The following ZFP64 variants were observed in gnomAD, a reference collection of about 807,000 sequenced individuals.
ZFP64 encodes the protein zinc finger protein 64.
A neutral mutation model predicts 51.6 loss-of-function variants in ZFP64; 14 were observed. That is an observed-to-expected ratio of 0.27 (90% CI 0.18 to 0.42). The LOEUF (loss-of-function observed/expected upper bound fraction) is 0.42. Ranked by LOEUF, ZFP64 falls within the 10% of genes least tolerant of loss-of-function variation. The pLI is 1.00. For missense variants in ZFP64, 754 were observed against 906.8 expected, an observed-to-expected ratio of 0.83 and a Z score of 2.16; for synonymous variants, 375 against 361.4, an observed-to-expected ratio of 1.04 and a Z score of -0.43.
At chr20:52,097,571 C>T (rs1257313996) in intron 6 of ZFP64, 2 of 754,804 alleles carry the variant, frequency 2.6e-6, no homozygotes, top group Non-Finnish European at 4.2e-6. Context: ...TACCCTGTTT[C>T]AGCCTCCTGA....
chr20:52,099,076 C>A (rs1300780926), intron 5 of ZFP64, among the ~76,000 whole-genome samples: 1 of 151,120 alleles, frequency 6.6e-6, no homozygotes, highest in Non-Finnish European at 1.5e-5. Flanking sequence ...ACTACGGTTT[C>A]CAAGAAGTAC....
At chr20:52,127,452 T>G (rs1437004191) in intron 5 of ZFP64, among the ~76,000 whole-genome samples, 1 of 152,170 alleles carries the variant, frequency 6.6e-6, no homozygotes, top group Non-Finnish European at 1.5e-5. Flanking sequence ...GCTGTTCTCA[T>G]GATAGTGAGT....
rs758339619 is a variant in ZFP64, at chr20:52,186,921, G to A, written c.197C>T (p.Thr66Met). ...TGTTTCCTCCGATACAAACTGGACC[G>A]TGCTGGGGGCTGCTGCGGATGTGCC... ...LTGTSAAAPS[T>M]VQFVSEETVP... Residue 66 changes from threonine to methionine, a missense_variant, in exon 2 of 6, where the codon ACG becomes ATG. Physicochemically the swap from Thr to Met is moderately conservative, Grantham distance 81 (BLOSUM62 -1). This residue lies in a region of ZFP64 where 95 missense variants were observed against 97.7 expected (regional missense o/e 0.97). Coordinates refer to ENST00000216923, the MANE Select transcript of ZFP64 (RefSeq NM_018197.3). 7.8e-5 allele frequency: 126 copies of A among 1,614,108 alleles called. No individual in the cohort carries two copies. The highest frequency in any genetic ancestry group is 1.8e-4 in the Admixed American group (11 of 60,022).
At chr20:52,127,067 T>A (rs980422747) in intron 5 of ZFP64, among the ~76,000 whole-genome samples, 1 of 152,052 alleles carries the variant, frequency 6.6e-6, no homozygotes, top group African/African-American at 2.4e-5. Context: ...TTCTCCTGCC[T>A]CAGCCTTCTG....
chr20:52,113,707 G>A (rs1044587537), intron 5 of ZFP64, among the ~76,000 whole-genome samples: 1 of 151,570 alleles, frequency 6.6e-6, no homozygotes, highest in Non-Finnish European at 1.5e-5. Flanking sequence ...CCAAAGTGCT[G>A]GGATTATAGG....
At position 52,145,004 on chromosome 20, in the gene ZFP64, C is replaced by A. The variant is rs1381273619; in HGVS notation, c.763+15119G>T. On this transcript the variant is annotated intron_variant, in intron 5 of 8. Coordinates refer to the ZFP64 transcript ENST00000361387. ...AGAATGTTACAGTGAAAAAGAGTATCAGCCAAGATAACAGAACAGATAATT... is the reference window on the plus strand; with the variant it reads ...AGAATGTTACAGTGAAAAAGAGTATAAGCCAAGATAACAGAACAGATAATT... 3.9e-5 allele frequency among the ~76,000 whole-genome samples: 6 copies of A among 152,068 alleles called. No homozygotes were observed. The East Asian group carries it at 1.2e-3, about 29-fold the overall frequency.
chr20:52,127,330 A>G (rs1979494687), intron 5 of ZFP64, among the ~76,000 whole-genome samples: 1 of 151,728 alleles, frequency 6.6e-6, no homozygotes, highest in Non-Finnish European at 1.5e-5. Flanking sequence ...AAAGGAAGTG[A>G]TATGGTTAGG....
At chr20:52,093,352 C>T (rs570075858) in intron 7 of ZFP64, among the ~76,000 whole-genome samples, 1 of 152,240 alleles carries the variant, frequency 6.6e-6, no homozygotes, top group Admixed American at 6.5e-5. Context: ...GTTGGCCAGG[C>T]TGGTCTTGAA....
intron 4 of ZFP64, among the ~76,000 whole-genome samples, chr20:52,163,589 C>T (rs1463166554): frequency 6.6e-6 from 1 of 152,216 alleles, no homozygotes; most frequent in Middle Eastern, 3.4e-3. Context: ...ATGATGGTGA[C>T]CCCAGTGCAA....
chr20:52,084,328 T>C, exon 9 of ZFP64: 1 of 541,100 alleles, frequency 1.8e-6, no homozygotes, highest in Non-Finnish European at 3.3e-6. Context: ...GTCGACTTGC[T>C]CAGATAATCC....
At chr20:52,118,654 C>T (rs1261855229) in intron 5 of ZFP64, among the ~76,000 whole-genome samples, 1 of 152,198 alleles carries the variant, frequency 6.6e-6, no homozygotes, top group Non-Finnish European at 1.5e-5. Flanking sequence ...GGGGGCAAGG[C>T]TTTGCTAACC....
chr20:52,120,231 AT>A (rs1361225611), intron 5 of ZFP64, among the ~76,000 whole-genome samples: 2 of 152,144 alleles, frequency 1.3e-5, no homozygotes, highest in African/African-American at 2.4e-5. Flanking sequence ...CAAGAAATAA[AT>A]TTTTGTTGTG....
At chr20:52,106,459 T>C (rs1978318226) in intron 5 of ZFP64, among the ~76,000 whole-genome samples, 1 of 151,990 alleles carries the variant, frequency 6.6e-6, no homozygotes, top group East Asian at 1.9e-4. Flanking sequence ...GGCCTGAGAA[T>C]CTGTATTTTT....
chr20:52,155,410 G>A (rs562503529), intron 5 of ZFP64, among the ~76,000 whole-genome samples: 1 of 152,232 alleles, frequency 6.6e-6, no homozygotes, highest in East Asian at 1.9e-4. Flanking sequence ...TCTACTCATG[G>A]ATTTCTCAGG....
intron 5 of ZFP64, among the ~76,000 whole-genome samples, chr20:52,118,091 C>G (rs1469167321): frequency 6.6e-6 from 1 of 152,078 alleles, no homozygotes; most frequent in Admixed American, 6.6e-5. Flanking sequence ...AGGCACCATG[C>G]CTGGACTATA....
intron 3 of ZFP64, 115 bp from the exon 4 acceptor site, chr20:52,164,872 G>A (rs150990421): frequency 2.9e-4 from 242 of 830,510 alleles, no homozygotes; most frequent in African/African-American, 2.6e-3. Flanking sequence ...ACGGTAATGG[G>A]AAAAAGAGAT....
intron 5 of ZFP64, among the ~76,000 whole-genome samples, chr20:52,114,276 T>C (rs1359801804): frequency 1.3e-5 from 2 of 152,230 alleles, no homozygotes; most frequent in Non-Finnish European, 1.5e-5. Flanking sequence ...AGCTATTCCA[T>C]GCCTATGCTG....
intron 7 of ZFP64, among the ~76,000 whole-genome samples, chr20:52,096,247 C>T (rs939386944): frequency 1.3e-5 from 2 of 152,198 alleles, no homozygotes; most frequent in Non-Finnish European, 2.9e-5. Context: ...CTAAGTCCCG[C>T]TCATGTTCCC....
chr20:52,152,103 T>G lies in ZFP64; in HGVS notation c.*43A>C. 6.4e-7 allele frequency: 1 copy of G among 1,571,418 alleles called. No individual in the cohort carries two copies. Among genetic ancestry groups the G allele is most frequent in the Non-Finnish European group, 8.6e-7 (1 of 1,159,812 alleles). ...TTAGAGAATTCTACTTAAGATTTCT[T>G]TTTCTCAATTCCTTTCCCCCACTCC... On this transcript the variant is annotated 3_prime_UTR_variant, in exon 6 of 6. Coordinates refer to ENST00000216923, the MANE Select transcript of ZFP64 (RefSeq NM_018197.3).
Sources: allele counts gnomAD v4.1 joint callset (sites outside exome capture counted in the v4.1 genomes callset), GRCh38; gene constraint gnomAD v4.1.1; regional missense constraint gnomAD v4.1.1; transcripts MANE v1.5; gene names NCBI Gene and HGNC (gene_info 2026-07-23, HGNC 2026-07-21).